The following VCL variants were observed in gnomAD, a reference collection of about 807,000 sequenced individuals.
The protein encoded by VCL is vinculin.
A neutral mutation model predicts 125.7 loss-of-function variants in VCL; 47 were observed. The observed-to-expected ratio is 0.37, with a 90% CI of 0.30 to 0.48. The LOEUF (loss-of-function observed/expected upper bound fraction) is 0.48. VCL is among the 20% of genes least tolerant of loss of function. The pLI, the probability that VCL is intolerant of heterozygous loss-of-function variation, is 0.99. For synonymous variants in VCL, 458 were observed against 514.6 expected (o/e 0.89, Z 1.49); for missense variants, 1,069 against 1,455.5 (o/e 0.73, Z 4.32).
chr10:74,107,207 A>T (rs762300832), intron 16 of VCL, 23 bp from the exon 17 acceptor site: 1 of 1,614,096 alleles, frequency 6.2e-7, no homozygotes, highest in Non-Finnish European at 8.5e-7. Context: ...ACCCAGCTGA[A>T]AGTGAGGATG....
At chr10:74,089,015 A>G (rs1013156807) in intron 8 of VCL, among the ~76,000 whole-genome samples, 181 bp from the exon 9 acceptor site, 6 of 152,170 alleles carry the variant, frequency 3.9e-5, no homozygotes, top group African/African-American at 1.2e-4. Context: ...TTAAAAGAAA[A>G]AGTACTTGAT....
rs371082003 is a variant in VCL at position 74,113,788 on chromosome 10, C to T, written c.2950-396C>T. ...AATGAAAGTGCCTGTTTAACCAGCT[C>T]CTTGGCCCTGTCCCCAGTTTATTGA... is the stretch of plus-strand genomic sequence containing the variant. On this transcript the variant is annotated intron_variant, in intron 19 of 21. Transcript: ENST00000211998. Among the ~76,000 whole-genome samples, 18 of 152,310 alleles carry T rather than the reference C, an allele frequency of 1.2e-4. No individual in the cohort carries two copies. In the East Asian group the frequency reaches 3.1e-3, roughly 26 times the overall value.
Position 74,063,815 on chromosome 10 carries a change from T to C in VCL, c.240-6855T>C, listed in dbSNP as rs571863875. 2.6e-5 allele frequency: 4 copies of C among 152,266 alleles called. No homozygotes were observed. The South Asian group carries it at 6.2e-4, about 24-fold the overall frequency. The allele number at this position is 152,266 out of a possible 1,614,324, so 9.4% of individuals were successfully genotyped here. On this transcript the variant is annotated intron_variant, in intron 2 of 21. Coordinates refer to ENST00000211998, the MANE Select transcript of VCL (RefSeq NM_014000.3). ...GTTTGTTGGTAAATGTAGATAAGTG[T>C]TGATGTATATAATAATGGGATGTTT...
intron 1 of VCL, among the ~76,000 whole-genome samples, chr10:74,015,876 G>C (rs2136229856): frequency 1.3e-5 from 2 of 151,924 alleles, no homozygotes; most frequent in Admixed American, 1.3e-4. Flanking sequence ...GTAGAGACAG[G>C]GTTTTACCAT....
At chr10:74,002,879 T>TC (rs1555113055) in intron 1 of VCL, among the ~76,000 whole-genome samples, 1 of 118,672 alleles carries the variant, frequency 8.4e-6, no homozygotes, top group African/African-American at 3.7e-5. Flanking sequence ...AGACTCTGTC[T>TC]CAAAAAAAAA....
chr10:74,120,521 C>T (rs1017866998), downstream of VCL: 9 of 152,350 alleles, frequency 5.9e-5, no homozygotes, highest in Admixed American at 5.9e-4. Flanking sequence ...TACCACAGGT[C>T]CTTCCCCCTG....
chr10:74,041,872 C>T (rs1193843988), intron 1 of VCL, among the ~76,000 whole-genome samples: 1 of 152,244 alleles, frequency 6.6e-6, no homozygotes, highest in Non-Finnish European at 1.5e-5. Context: ...CTCTGCACTT[C>T]AGCCTGGGCA....
rs964940098 is a variant in VCL, at chr10:74,097,775, A to C, written c.1872+443A>C. Among the ~76,000 whole-genome samples, 3 of 152,056 alleles carry C rather than the reference A, an allele frequency of 2.0e-5. No homozygotes were observed. The highest frequency in any genetic ancestry group is 4.4e-5 in the Non-Finnish European group (3 of 67,992). ...CTTTCGAGTCAGGATGATCTTTTTA[A>C]ATCAATCGATGTCATTCTTATACTC... On this transcript the variant is annotated intron_variant, in intron 13 of 21. Coordinates refer to ENST00000211998, the MANE Select transcript of VCL (RefSeq NM_014000.3). The surrounding 1 kb of genome is among the most constrained non-coding windows in gnomAD (Gnocchi z 4.1).
At chr10:74,051,050 C>T (rs553638825) in intron 2 of VCL, among the ~76,000 whole-genome samples, 1 of 149,218 alleles carries the variant, frequency 6.7e-6, no homozygotes, top group African/African-American at 2.5e-5. Context: ...AGAGATTCTC[C>T]TGACTCAGCC....
In VCL at chr10:74,046,724, A is replaced by C. The variant is rs1841202492; in HGVS notation, c.239+3571A>C. On this transcript the variant is annotated intron_variant, in intron 2 of 21. Transcript: ENST00000211998. ...GTTTCACTATCGGGTAGGTAGTTGGACTAGAAGACCTTACAAACAATTGCT... is the reference window on the plus strand; with the variant it reads ...GTTTCACTATCGGGTAGGTAGTTGGCCTAGAAGACCTTACAAACAATTGCT... Among the ~76,000 whole-genome samples the C allele has an allele frequency of 2.0e-5, 3 of 152,240 alleles. No individual in the cohort carries two copies. In the South Asian group the frequency reaches 6.2e-4, roughly 31 times the overall value.
intron 1 of VCL, among the ~76,000 whole-genome samples, chr10:74,003,531 T>G (rs1840267753): frequency 6.6e-6 from 1 of 152,212 alleles, no homozygotes; most frequent in South Asian, 2.1e-4. Flanking sequence ...ATACTTTGCT[T>G]TCTCCAGTGC....
chr10:74,076,414 C>T (rs1839587402), intron 6 of VCL: 1 of 152,620 alleles, frequency 6.6e-6, no homozygotes, highest in South Asian at 2.1e-4. Context: ...TTGGCCTGGT[C>T]TTTCCCATTG....
intron 1 of VCL, among the ~76,000 whole-genome samples, chr10:74,039,557 A>G (rs1037429963): frequency 6.6e-6 from 1 of 151,858 alleles, no homozygotes; most frequent in Non-Finnish European, 1.5e-5. Flanking sequence ...CAAAGGCAGG[A>G]GGATCGCTTG....
intron 14 of VCL, among the ~76,000 whole-genome samples, chr10:74,101,862 CTTTT>C (rs561525230): frequency 1.5e-5 from 2 of 133,000 alleles, no homozygotes; most frequent in Non-Finnish European, 1.6e-5. Flanking sequence ...TTTGGATAAT[CTTTT>C]TTTTTTTTTT....
intron 18 of VCL, among the ~76,000 whole-genome samples, chr10:74,110,039 TTTCAGGCTGGGAAA>T (rs1216865369): frequency 2.0e-5 from 3 of 152,340 alleles, no homozygotes; most frequent in African/African-American, 7.2e-5. Context: ...CTTGGATTTT[TTTCAGGCTGGGAAA>T]TTCACATTGG....
rs1839957258 is a variant in VCL, at chr10:74,095,703, A to G, written c.1591A>G (p.Asn531Asp). The change falls in exon 12 of 22, where the codon AAT becomes GAT. Residue 531 changes from asparagine to aspartate, a missense_variant. Physicochemically the swap from Asn to Asp is conservative, Grantham distance 23. Around this residue, in one of 6 missense-constraint regions of VCL, gnomAD observed 760 missense variants for 928.9 expected, o/e 0.82. Coordinates refer to ENST00000211998, the MANE Select transcript of VCL (RefSeq NM_014000.3). The part of the protein sequence containing the change: ...GLVAEGHRLA[N>D]VMMGPYRQDL... The stretch of plus-strand genomic sequence containing the variant: ...TGTGGCCGAAGGGCATCGTCTGGCT[A>G]ATGTTATGATGGGGCCTTATCGGCA... 7.4e-6 allele frequency: 12 copies of G among 1,614,144 alleles called. No homozygotes were observed. The highest frequency in any genetic ancestry group is 1.0e-5 in the Non-Finnish European group (12 of 1,180,018).
chr10:74,026,472 A>G (rs1376909453), intron 1 of VCL, among the ~76,000 whole-genome samples: 1 of 152,198 alleles, frequency 6.6e-6, no homozygotes, highest in Non-Finnish European at 1.5e-5. Flanking sequence ...AACCCACCGC[A>G]TGGGGGAGTT....
intron 1 of VCL, among the ~76,000 whole-genome samples, chr10:74,020,184 A>G (rs1325560036): frequency 3.3e-5 from 5 of 152,232 alleles, no homozygotes; most frequent in Non-Finnish European, 7.3e-5. Flanking sequence ...GTCCCGAGCC[A>G]GTAATTGGTG....
intron 1 of VCL, among the ~76,000 whole-genome samples, chr10:74,019,924 G>C (rs540803629): frequency 6.6e-6 from 1 of 151,976 alleles, no homozygotes; most frequent in Non-Finnish European, 1.5e-5. Flanking sequence ...TTAGCCGGGC[G>C]TGGTGGCGGG....
Sources: allele counts gnomAD v4.1 joint callset (sites outside exome capture counted in the v4.1 genomes callset), GRCh38; gene constraint gnomAD v4.1.1; regional missense constraint gnomAD v4.1.1; non-coding constraint Gnocchi (gnomAD v3.1); transcripts MANE v1.5; gene names NCBI Gene and HGNC (gene_info 2026-07-23, HGNC 2026-07-21).